Variants in CCDC181 observed in about 807,000 individuals in gnomAD.
CCDC181 encodes the protein coiled-coil domain containing 181.
A neutral mutation model predicts 58.7 loss-of-function variants in CCDC181; 35 were observed. The ratio of observed to expected loss-of-function variants is 0.60; its 90% CI spans 0.46 to 0.79. The LOEUF is 0.79. CCDC181 is among the 30% of genes least tolerant of loss of function. The pLI, the probability that CCDC181 is intolerant of heterozygous loss-of-function variation, is 0.00. For synonymous variants in CCDC181, 183 were observed against 197.5 expected (o/e 0.93, Z 0.62); for missense variants, 517 against 583.9 (o/e 0.89, Z 1.18).
chr1:169,420,160 A>G (rs536151500), intron 3 of CCDC181, among the ~76,000 whole-genome samples: 1 of 152,326 alleles, frequency 6.6e-6, no homozygotes, highest in East Asian at 1.9e-4. Flanking sequence ...TTGTAAAAAT[A>G]TACACATACC....
At chr1:169,456,939 T>A (rs989474465) in intron 2 of CCDC181, among the ~76,000 whole-genome samples, 14 of 152,200 alleles carry the variant, frequency 9.2e-5, no homozygotes, top group African/African-American at 2.7e-4. Context: ...TTCTCCTGGA[T>A]AATCCATTGC....
At position 169,460,332 on chromosome 1, in the gene CCDC181, CAGTT is replaced by C. The variant is rs1312542993; in HGVS notation, c.-175_-172del. 7 of 152,292 alleles carry C rather than the reference CAGTT, an allele frequency of 4.6e-5. No homozygotes were observed. In the East Asian group the frequency reaches 1.2e-3, roughly 25 times the overall value. 9.4% of individuals were successfully genotyped at this position (152,292 alleles called of 1,614,324 possible). On this transcript the variant is annotated 5_prime_UTR_variant, in exon 1 of 7. Coordinates refer to the CCDC181 transcript ENST00000545005. The stretch of plus-strand genomic sequence containing the variant: ...TTTCAGAAAACGGTCAACATCGGCA[CAGTT>C]AGGGCTTTATAAACAGGCTATCCAG...
intron 4 of CCDC181, among the ~76,000 whole-genome samples, chr1:169,406,047 G>T (rs6427189): frequency 0.53 from 81,334 of 152,046 alleles, 22,590 homozygotes; most frequent in Non-Finnish European, 0.6. Context: ...CATGAAAAAA[G>T]GCTCATCATC....
chr1:169,419,090 A>G lies in CCDC181; in HGVS notation c.1138T>C (p.Leu380=), dbSNP rs1355734466. Residue 380 remains leucine, a synonymous_variant, in exon 4 of 6, where the codon TTG becomes CTG. Coordinates refer to ENST00000367806, the MANE Select transcript of CCDC181 (RefSeq NM_001300969.2). ...AAGACCTGCTCTCTTTTCTTTTGCAACCACGCTTTAAATACTATGTCATTC... is the reference window on the plus strand; with the variant it reads ...AAGACCTGCTCTCTTTTCTTTTGCAGCCACGCTTTAAATACTATGTCATTC... ...RENDIVFKAW[L]QKKREQVLEM... 1.2e-6 allele frequency: 2 copies of G among 1,613,426 alleles called. No homozygotes were observed. Among genetic ancestry groups the G allele is most frequent in the Admixed American group, 3.3e-5 (2 of 59,944 alleles).
At chr1:169,441,852 A>C (rs1301937337) in intron 2 of CCDC181, among the ~76,000 whole-genome samples, 2 of 152,076 alleles carry the variant, frequency 1.3e-5, no homozygotes, top group Admixed American at 6.6e-5. Context: ...AAACAGTGCC[A>C]TGTGTCTTCC....
At position 169,395,186 on chromosome 1, in the gene CCDC181, A is replaced by T; in HGVS notation, c.1391T>A (p.Met464Lys). The T allele has an allele frequency of 6.2e-7, 1 of 1,611,812 alleles. No individual in the cohort carries two copies. ...AFKQWLRRKR[M>K]EKMAEQQAVR... is the part of the protein sequence containing the mutation. ...AGCTTGTTGCTCTGCCATTTTTTCC[A>T]TCCGTTTCCTTCTTAACCATCTGTA... Residue 464 changes from methionine (M) to lysine (K), a missense_variant, in exon 6 of 6, where the codon ATG becomes AAG. Transcript: ENST00000367806.
chr1:169,414,027 A>G (rs1001965496), intron 4 of CCDC181, among the ~76,000 whole-genome samples: 2 of 151,876 alleles, frequency 1.3e-5, no homozygotes, highest in African/African-American at 4.8e-5. Context: ...ATTAAAAAAA[A>G]TAATTAAATA....
intron 2 of CCDC181, among the ~76,000 whole-genome samples, chr1:169,439,014 A>C (rs1657132433): frequency 6.6e-6 from 1 of 152,116 alleles, no homozygotes; most frequent in Non-Finnish European, 1.5e-5. Context: ...CTCCTTAACC[A>C]AGACTCTTCC....
At chr1:169,400,385 G>T (rs1655268028) in intron 4 of CCDC181, among the ~76,000 whole-genome samples, 1 of 152,050 alleles carries the variant, frequency 6.6e-6, no homozygotes, top group East Asian at 1.9e-4. Flanking sequence ...AAGGAAAACA[G>T]TGTATTCTAT....
At chr1:169,403,424 A>G (rs888556619) in intron 4 of CCDC181, among the ~76,000 whole-genome samples, 7 of 152,266 alleles carry the variant, frequency 4.6e-5, no homozygotes, top group African/African-American at 1.7e-4. Flanking sequence ...AGCACTCCTC[A>G]GCAAATGTAA....
chr1:169,405,333 G>T (rs945827063), intron 4 of CCDC181, among the ~76,000 whole-genome samples: 1 of 152,132 alleles, frequency 6.6e-6, no homozygotes, highest in African/African-American at 2.4e-5. Flanking sequence ...AACCAAAAAA[G>T]AGCCCACATT....
In CCDC181 at chr1:169,397,307, C is replaced by T. The variant is rs1377024138; in HGVS notation, c.1300G>A (p.Glu434Lys). Residue 434 changes from glutamate to lysine, a missense_variant, in exon 5 of 6, where the codon GAA (glutamate) becomes AAA (lysine). Transcript: ENST00000367806. ...AAACATTCCTCTTGCTTTCTTAGTT[C>T]TTCTGTCTGTCTTTCTTTCATCTGC... ...EEQMKERQTE[E>K]LRKQEECLFF... 1.2e-6 allele frequency: 2 copies of T among 1,611,114 alleles called. No homozygotes were observed. The highest frequency in any genetic ancestry group is 1.3e-5 in the African/African-American group (1 of 74,732).
intron 4 of CCDC181, among the ~76,000 whole-genome samples, chr1:169,405,192 T>C (rs919708326): frequency 6.6e-6 from 1 of 152,242 alleles, no homozygotes; most frequent in Admixed American, 6.5e-5. Context: ...TCCATGTTCA[T>C]AGATAGTAAG....
At chr1:169,451,203 ATGAGTTCTGGACTG>A (rs1270314426) in intron 2 of CCDC181, 3 of 152,018 alleles carry the variant, frequency 2.0e-5, no homozygotes, top group Non-Finnish European at 2.9e-5. Context: ...ATCCTCATAT[ATGAGTTCTGGACTG>A]TTGCTGGGGA....
upstream of CCDC181, among the ~76,000 whole-genome samples, chr1:169,431,565 AT>A (rs1303803996): frequency 1.3e-5 from 2 of 152,174 alleles, no homozygotes; most frequent in African/African-American, 4.8e-5. Flanking sequence ...TCTTGTAACT[AT>A]TTTGGAACTG....
intron 2 of CCDC181, among the ~76,000 whole-genome samples, chr1:169,440,127 A>C (rs1384038688): frequency 6.6e-6 from 1 of 152,002 alleles, no homozygotes; most frequent in Non-Finnish European, 1.5e-5. Flanking sequence ...TTTTCTGGGG[A>C]ACTGCTCTCT....
At chr1:169,422,470 A>T (rs984801083) in intron 2 of CCDC181, among the ~76,000 whole-genome samples, 157 bp from the exon 3 acceptor site, 3 of 152,204 alleles carry the variant, frequency 2.0e-5, no homozygotes, top group African/African-American at 7.2e-5. Context: ...ATTCATACTT[A>T]TGAGTATCCA....
intron 2 of CCDC181, among the ~76,000 whole-genome samples, chr1:169,444,224 GC>G (rs1168700332): frequency 6.6e-6 from 1 of 152,160 alleles, no homozygotes; most frequent in Non-Finnish European, 1.5e-5. Flanking sequence ...TCAGGATAGT[GC>G]TTTTTTATTT....
chr1:169,430,858 AC>A (rs1415855177), upstream of CCDC181, among the ~76,000 whole-genome samples: 2 of 152,116 alleles, frequency 1.3e-5, no homozygotes, highest in African/African-American at 4.8e-5. Flanking sequence ...ACATTGGTTC[AC>A]CCCATGTAAA....
Sources: allele counts gnomAD v4.1 joint callset (sites outside exome capture counted in the v4.1 genomes callset), GRCh38; gene constraint gnomAD v4.1.1; transcripts MANE v1.5; gene names NCBI Gene and HGNC (gene_info 2026-07-23, HGNC 2026-07-21).